DIS3L2: variants seen among roughly 807,000 people sequenced by gnomAD.
The protein encoded by DIS3L2 is DIS3-like exonuclease 2.
DIS3L2 carries 34 observed loss-of-function variants against 97.5 expected under a neutral mutation model. That is an observed-to-expected ratio of 0.35 (90% confidence interval 0.27 to 0.46). DIS3L2 has a LOEUF of 0.46. DIS3L2 is among the 20% of genes least tolerant of loss of function. DIS3L2 has a pLI of 1.00. For synonymous variants in DIS3L2, 435 were observed against 445.2 expected (o/e 0.98, Z 0.29); for missense variants, 1,038 against 1,146.0 (o/e 0.91, Z 1.36).
intron 9 of DIS3L2, among the ~76,000 whole-genome samples, chr2:232,187,808 G>A (rs1223462913): frequency 1.3e-5 from 2 of 152,164 alleles, no homozygotes; most frequent in East Asian, 1.9e-4. Context: ...GGCAGAGGGA[G>A]GAGGATTGCT....
intron 6 of DIS3L2, among the ~76,000 whole-genome samples, chr2:232,109,488 T>C (rs540861292): frequency 7.2e-5 from 11 of 151,972 alleles, no homozygotes; most frequent in Non-Finnish European, 1.5e-4. Context: ...TAAACTGTAC[T>C]ACAGTGATTC....
At chr2:232,179,964 C>T (rs1691218725) in intron 9 of DIS3L2, among the ~76,000 whole-genome samples, 1 of 130,218 alleles carries the variant, frequency 7.7e-6, no homozygotes, top group Non-Finnish European at 1.5e-5. Context: ...ATAAATTTCC[C>T]TGTACACACT....
intron 6 of DIS3L2, among the ~76,000 whole-genome samples, chr2:232,115,336 C>T (rs1048648712): frequency 1.3e-5 from 2 of 151,860 alleles, no homozygotes; most frequent in African/African-American, 4.8e-5. Context: ...CTAATTCTGA[C>T]AATTATTTGG....
At position 232,014,897 on chromosome 2, in the gene DIS3L2, T is replaced by G. The variant is rs1311511223; in HGVS notation, c.-31T>G. ...GCTAAGCAGTGGAGGTTTCTCTGGA[T>G]CTGGAGAGAAGAGTGACCTTGGAGC... is the stretch of plus-strand genomic sequence containing the variant. On this transcript the variant is annotated 5_prime_UTR_variant, in exon 2 of 21. Transcript: ENST00000325385. The G allele has an allele frequency of 1.2e-6, 2 of 1,612,768 alleles. No homozygotes were observed. The highest frequency in any genetic ancestry group is 1.7e-4 in the Middle Eastern group (1 of 6,028).
chr2:232,269,269 C>T lies in DIS3L2; in HGVS notation c.1659+5829C>T, dbSNP rs1320947293. Among the ~76,000 whole-genome samples the T allele has an allele frequency of 6.6e-6, 1 of 152,186 alleles. No individual in the cohort carries two copies. Among genetic ancestry groups the T allele is most frequent in the Non-Finnish European group, 1.5e-5 (1 of 68,046 alleles). ...TTCTGTTCCTTCTCTCCAATACAGT[C>T]GCTTTCAAGAAATGAGCATTCCAGC... On this transcript the variant is annotated intron_variant, in intron 13 of 20. Transcript: ENST00000325385. The surrounding 1 kb of genome is among the most constrained non-coding windows in gnomAD (Gnocchi z 4.5).
intron 1 of DIS3L2, among the ~76,000 whole-genome samples, chr2:231,968,956 C>A (rs1692807209): frequency 6.6e-6 from 1 of 152,154 alleles, no homozygotes; most frequent in Non-Finnish European, 1.5e-5. Context: ...ATAGTGAATT[C>A]TCACAAGATC....
intron 13 of DIS3L2, among the ~76,000 whole-genome samples, chr2:232,290,187 TGA>T (rs1559195177): frequency 6.6e-6 from 1 of 152,258 alleles, no homozygotes; most frequent in Non-Finnish European, 1.5e-5. Flanking sequence ...TTGATTAGGA[TGA>T]GCAGATTGGC....
chr2:232,136,678 C>T lies in DIS3L2; in HGVS notation c.909C>T (p.Cys303=), dbSNP rs933918889. Residue 303 remains cysteine, a synonymous_variant, in exon 8 of 21, where the codon TGC becomes TGT. Transcript: ENST00000325385. ...ATTATGCCAACACACTGTTCATCTG[C>T]CGCATTGTGGACTGGAAGGAGGACT... ...PKDYANTLFI[C]RIVDWKEDCN... The T allele has an allele frequency of 6.2e-7, 1 of 1,613,896 alleles. No individual in the cohort carries two copies. Among genetic ancestry groups the T allele is most frequent in the Non-Finnish European group, 8.5e-7 (1 of 1,179,928 alleles).
rs147573355 is a variant in DIS3L2, at chr2:232,042,415, G to T, written c.366+12335G>T. On this transcript the variant is annotated intron_variant, in intron 5 of 20. Coordinates refer to ENST00000325385, the MANE Select transcript of DIS3L2 (RefSeq NM_152383.5). ...ATTGTTCTCAATTCCAGTGGAATTA[G>T]AATTTCTTAGAACTGTTTGGTTTCT... 1.4e-4 allele frequency among the ~76,000 whole-genome samples: 21 copies of T among 152,026 alleles called. No individual in the cohort carries two copies. In the East Asian group the frequency reaches 3.9e-3, roughly 28 times the overall value.
At chr2:232,334,761 G>A (rs751422113) in intron 19 of DIS3L2, 26 bp downstream of exon 19, 10 of 1,570,728 alleles carry the variant, frequency 6.4e-6, no homozygotes, top group Non-Finnish European at 8.6e-6. Context: ...GAGCCCGGGG[G>A]CGGGCAGGGC....
At chr2:232,093,857 A>T (rs1696920873) in intron 6 of DIS3L2, among the ~76,000 whole-genome samples, 1 of 151,680 alleles carries the variant, frequency 6.6e-6, no homozygotes, top group South Asian at 2.1e-4. Flanking sequence ...TTTCAATTTC[A>T]TTTACTTCTG....
At chr2:232,086,884 G>A (rs949919994) in intron 5 of DIS3L2, among the ~76,000 whole-genome samples, 2 of 151,446 alleles carry the variant, frequency 1.3e-5, no homozygotes, top group African/African-American at 4.9e-5. Context: ...GTTTCACCGT[G>A]TTAGCCAGGA....
At chr2:232,270,443 T>G (rs1270250464) in intron 13 of DIS3L2, among the ~76,000 whole-genome samples, 1 of 152,190 alleles carries the variant, frequency 6.6e-6, no homozygotes, top group Non-Finnish European at 1.5e-5. Flanking sequence ...CCTAATGAGT[T>G]TTTCCTATGT....
intron 5 of DIS3L2, among the ~76,000 whole-genome samples, chr2:232,079,599 CAAAAAAAAAA>C (rs760870721): frequency 1.0e-4 from 3 of 29,630 alleles, no homozygotes; most frequent in African/African-American, 5.2e-4. Context: ...GACTCTATCT[CAAAAAAAAAA>C]AAAAAAAAAA....
chr2:232,189,839 A>G (rs1408128429), intron 9 of DIS3L2, among the ~76,000 whole-genome samples: 2 of 152,214 alleles, frequency 1.3e-5, no homozygotes, highest in East Asian at 1.9e-4. Flanking sequence ...GGCACACAAC[A>G]TCTTTATTAT....
intron 5 of DIS3L2, among the ~76,000 whole-genome samples, chr2:232,044,737 C>A (rs1695193613): frequency 6.6e-6 from 1 of 151,956 alleles, no homozygotes; most frequent in Non-Finnish European, 1.5e-5. Flanking sequence ...CTGAGGAATA[C>A]CAAAACTTAA....
chr2:231,999,675 A>G (rs1693827382), intron 1 of DIS3L2, among the ~76,000 whole-genome samples: 1 of 152,316 alleles, frequency 6.6e-6, no homozygotes, highest in South Asian at 2.1e-4. Flanking sequence ...CCAGAGTTTA[A>G]TCTTTATTTA....
intron 1 of DIS3L2, among the ~76,000 whole-genome samples, chr2:232,002,989 A>G (rs760140548): frequency 2.6e-5 from 4 of 152,344 alleles, no homozygotes; most frequent in African/African-American, 9.6e-5. Context: ...CCTCAACTCA[A>G]TCAAGTTATT....
At chr2:232,007,141 TAC>T (rs1694073556) in intron 1 of DIS3L2, among the ~76,000 whole-genome samples, 10 of 152,284 alleles carry the variant, frequency 6.6e-5, no homozygotes, top group Non-Finnish European at 1.0e-4. Context: ...CTATTGGGAA[TAC>T]CCCAGTGGCA....
Sources: allele counts gnomAD v4.1 joint callset (sites outside exome capture counted in the v4.1 genomes callset), GRCh38; gene constraint gnomAD v4.1.1; non-coding constraint Gnocchi (gnomAD v3.1); transcripts MANE v1.5; gene names NCBI Gene and HGNC (gene_info 2026-07-23, HGNC 2026-07-21).